NR3C2: variants seen among roughly 807,000 people sequenced by gnomAD.
NR3C2 encodes the protein mineralocorticoid receptor.
Under a neutral mutation model 86.4 loss-of-function variants are expected in NR3C2, and 15 were observed. That is an observed-to-expected ratio of 0.17 (90% CI 0.12 to 0.27). The LOEUF (loss-of-function observed/expected upper bound fraction) is 0.27. Among genes scored for constraint, NR3C2 ranks in the 10% least tolerant of loss-of-function variants. The pLI is 1.00. For missense variants in NR3C2, 960 were observed against 1,195.6 expected (o/e 0.80, Z 2.91); for synonymous variants, 458 against 450.5 (o/e 1.02, Z -0.21).
chr4:148,278,092 T>TTTTG (rs149602272), intron 2 of NR3C2, among the ~76,000 whole-genome samples: 65 of 40,216 alleles, frequency 1.6e-3, no homozygotes, highest in African/African-American at 7.3e-3. Flanking sequence ...CAAGTCTGTT[T>TTTTG]TTTGTTTGTT....
At chr4:148,388,208 T>A (rs916374865) in intron 2 of NR3C2, among the ~76,000 whole-genome samples, 23 of 152,316 alleles carry the variant, frequency 1.5e-4, no homozygotes, top group African/African-American at 5.5e-4. Context: ...ATCCAGTATT[T>A]TAGGGAAAAC....
chr4:148,115,697 T>C (rs2149729265), intron 7 of NR3C2, among the ~76,000 whole-genome samples: 1 of 152,326 alleles, frequency 6.6e-6, no homozygotes, highest in Non-Finnish European at 1.5e-5. Context: ...TACTATTATG[T>C]TAATAATCTT....
intron 7 of NR3C2, among the ~76,000 whole-genome samples, chr4:148,118,785 T>TGG (rs1466307339): frequency 6.6e-6 from 1 of 152,228 alleles, no homozygotes; most frequent in African/African-American, 2.4e-5. Context: ...TCAAAACCTG[T>TGG]GTCACTCTGA....
chr4:148,365,732 A>T (rs1031251029), intron 2 of NR3C2, among the ~76,000 whole-genome samples: 5 of 125,968 alleles, frequency 4.0e-5, no homozygotes, highest in African/African-American at 1.5e-4. Flanking sequence ...TATAATTTCT[A>T]TTAGCAGCAA....
intron 2 of NR3C2, among the ~76,000 whole-genome samples, chr4:148,422,473 T>C (rs72658673): frequency 1.3e-5 from 2 of 152,170 alleles, no homozygotes; most frequent in African/African-American, 2.4e-5. Flanking sequence ...CCCAATTCCA[T>C]TTCTATACCC....
intron 4 of NR3C2, among the ~76,000 whole-genome samples, chr4:148,162,446 A>C (rs1446307463): frequency 6.6e-6 from 1 of 151,924 alleles, no homozygotes; most frequent in Non-Finnish European, 1.5e-5. Flanking sequence ...ATGTGTGCAC[A>C]CAGAAGGGGT....
chr4:148,355,832 A>G (rs1745524619), intron 2 of NR3C2, among the ~76,000 whole-genome samples: 1 of 152,230 alleles, frequency 6.6e-6, no homozygotes. Flanking sequence ...TCTAAAGAGG[A>G]AAAGCAAAGT....
In NR3C2 at chr4:148,299,757, A is replaced by ATTTTTATT. The variant is rs1255072522; in HGVS notation, c.1758-39648_1758-39641dup. On this transcript the variant is annotated intron_variant, in intron 2 of 8. Coordinates refer to ENST00000358102, the MANE Select transcript of NR3C2 (RefSeq NM_000901.5). Reference sequence around the variant, plus strand: ...CTTTCCAAACCTGCAGTTCCGGCTGATTTTTATTTTTTTATTTTTTTCTCC... The same window carrying ATTTTTATT: ...CTTTCCAAACCTGCAGTTCCGGCTGATTTTTATTTTTTTATTTTTTTATTTTTTTCTCC... 3.9e-5 allele frequency among the ~76,000 whole-genome samples: 6 copies of ATTTTTATT among 152,254 alleles called. No individual in the cohort carries two copies. In the South Asian group the frequency reaches 6.2e-4, roughly 16 times the overall value.
rs547766967 is a variant in NR3C2 at position 148,088,602 on chromosome 4, A to T, written c.2800-7103T>A. Among the ~76,000 whole-genome samples the T allele has an allele frequency of 1.7e-4, 26 of 152,120 alleles. No homozygotes were observed. The East Asian group carries it at 4.6e-3, about 27-fold the overall frequency. On this transcript the variant is annotated intron_variant, in intron 8 of 8. Transcript: ENST00000358102. ...AGCTGGAAACCATCATTCTCAGCAA[A>T]CTAACACAAGAACAGAAAACCAAAC...
chr4:148,231,638 T>C (rs1738468536), intron 3 of NR3C2, among the ~76,000 whole-genome samples: 5 of 152,330 alleles, frequency 3.3e-5, no homozygotes, highest in Admixed American at 2.0e-4. Flanking sequence ...TGGTGGTTGC[T>C]GAAGGCTTGG....
chr4:148,261,355 T>C (rs910802547), intron 2 of NR3C2, among the ~76,000 whole-genome samples: 2 of 147,202 alleles, frequency 1.4e-5, no homozygotes, highest in East Asian at 2.1e-4. Flanking sequence ...TGGTGCGCTA[T>C]GGTAAGCGCT....
At position 148,366,724 on chromosome 4, in the gene NR3C2, A is replaced by T. The variant is rs2126351864; in HGVS notation, c.1757+68380T>A. Among the ~76,000 whole-genome samples the T allele has an allele frequency of 1.3e-5, 2 of 152,222 alleles. 1 individual carries two copies. ...ATTTTCTCTTTCCCCACATACTTAA[A>T]TCCAGAGGGACTACTCTCCATCCTG... On this transcript the variant is annotated intron_variant, in intron 2 of 8. Transcript: ENST00000358102.
At chr4:148,131,206 A>G (rs1733028512) in intron 6 of NR3C2, among the ~76,000 whole-genome samples, 1 of 152,138 alleles carries the variant, frequency 6.6e-6, no homozygotes, top group Non-Finnish European at 1.5e-5. Flanking sequence ...ACATTGTCAG[A>G]ATGTAGGCAG....
At chr4:148,193,339 A>G (rs561796009) in intron 4 of NR3C2, among the ~76,000 whole-genome samples, 31 of 152,318 alleles carry the variant, frequency 2.0e-4, no homozygotes, top group South Asian at 8.3e-4. Context: ...GGTGTCTCCC[A>G]GGTCCTCCGG....
chr4:148,283,909 G>A lies in NR3C2; in HGVS notation c.1758-23792C>T, dbSNP rs574026777. On this transcript the variant is annotated intron_variant, in intron 2 of 8. Transcript: ENST00000358102. The stretch of plus-strand genomic sequence containing the variant: ...CTTTCATAACACACAGGAGACAACT[G>A]AGACTGCGAGTGATTACCAGGCTCT... Among the ~76,000 whole-genome samples the A allele has an allele frequency of 2.6e-5, 4 of 152,294 alleles. No individual in the cohort carries two copies. The South Asian group carries it at 8.3e-4, about 32-fold the overall frequency.
At chr4:148,175,224 G>A (rs1254669456) in intron 4 of NR3C2, among the ~76,000 whole-genome samples, 1 of 152,044 alleles carries the variant, frequency 6.6e-6, no homozygotes, top group African/African-American at 2.4e-5. Context: ...CCAATGAAAG[G>A]ACCTTCTTAT....
In NR3C2 at chr4:148,120,152, A is replaced by G. The variant is rs72648712; in HGVS notation, c.2641+6T>C. On this transcript the variant is annotated splice_donor_region_variant and intron_variant, in intron 7 of 8. Coordinates refer to ENST00000358102, the MANE Select transcript of NR3C2 (RefSeq NM_000901.5). ...AGAAACAGTGCCAGAATGGGCATCA[A>G]TTTACTTGTGCTTAGTAGCAGCAAA... The G allele has an allele frequency of 5.0e-4, 805 of 1,614,032 alleles. 1 individual carries two copies. In the African/African-American group the frequency reaches 8.9e-3, roughly 18 times the overall value.
intron 2 of NR3C2, among the ~76,000 whole-genome samples, chr4:148,384,921 A>G (rs1378953975): frequency 6.6e-6 from 1 of 152,230 alleles, no homozygotes; most frequent in African/African-American, 2.4e-5. Flanking sequence ...CAAAACCTGT[A>G]CAACTCTACT....
intron 2 of NR3C2, among the ~76,000 whole-genome samples, chr4:148,267,247 A>T (rs1320010941): frequency 6.6e-6 from 1 of 151,882 alleles, no homozygotes; most frequent in South Asian, 2.1e-4. Flanking sequence ...GCTATGATTA[A>T]TTAGTATTTA....
Sources: allele counts gnomAD v4.1 joint callset (sites outside exome capture counted in the v4.1 genomes callset), GRCh38; gene constraint gnomAD v4.1.1; transcripts MANE v1.5; gene names NCBI Gene and HGNC (gene_info 2026-07-23, HGNC 2026-07-21).